Variants in ASCC3 observed in about 807,000 individuals in gnomAD.
ASCC3 encodes the protein ASC-1 complex subunit P200.
Under a neutral mutation model 256.3 loss-of-function variants are expected in ASCC3, and 158 were observed. The observed-to-expected ratio is 0.62, with a 90% CI of 0.54 to 0.70. The LOEUF (loss-of-function observed/expected upper bound fraction) is 0.70. ASCC3 is among the 30% of genes least tolerant of loss of function. The pLI, the probability that ASCC3 is intolerant of heterozygous loss-of-function variation, is 0.00. For missense variants in ASCC3, 2,259 were observed against 2,626.0 expected, an observed-to-expected ratio of 0.86 and a Z score of 3.05; for synonymous variants, 948 against 883.4, an observed-to-expected ratio of 1.07 and a Z score of -1.30.
At chr6:100,645,428 C>T (rs1372483357) in intron 22 of ASCC3, among the ~76,000 whole-genome samples, 1 of 151,780 alleles carries the variant, frequency 6.6e-6, no homozygotes, top group Non-Finnish European at 1.5e-5. Flanking sequence ...TTAAGACCAA[C>T]GTAGAATTGG....
At chr6:100,795,489 T>C (rs1769566944) in intron 8 of ASCC3, among the ~76,000 whole-genome samples, 1 of 152,120 alleles carries the variant, frequency 6.6e-6, no homozygotes, top group Non-Finnish European at 1.5e-5. Flanking sequence ...GCTTTACTTC[T>C]GGACAATCCA....
At chr6:100,578,601 T>C (rs911068642) in intron 36 of ASCC3, among the ~76,000 whole-genome samples, 1 of 151,904 alleles carries the variant, frequency 6.6e-6, no homozygotes, top group Non-Finnish European at 1.5e-5. Context: ...GATTTCATTC[T>C]TTTTTTTATG....
intron 36 of ASCC3, among the ~76,000 whole-genome samples, chr6:100,541,879 A>G (rs1775481241): frequency 6.6e-6 from 1 of 152,220 alleles, no homozygotes; most frequent in Non-Finnish European, 1.5e-5. Context: ...ACTCAATTCA[A>G]ATTTCTAGAG....
Position 100,666,299 on chromosome 6 carries a change from T to C in ASCC3, c.2287-3763A>G, listed in dbSNP as rs550573770. ...TTTATAAACATTCATGTACACTTTT[T>C]TGTATATATTAATATGATTTCATTC... On this transcript the variant is annotated intron_variant, in intron 14 of 41. Transcript: ENST00000369162. Among the ~76,000 whole-genome samples the C allele has an allele frequency of 1.6e-3, 243 of 152,248 alleles. 1 individual carries two copies. The highest frequency in any genetic ancestry group is 4.6e-3 in the Admixed American group (70 of 15,276).
chr6:100,721,152 G>T (rs560862087), intron 11 of ASCC3, among the ~76,000 whole-genome samples: 2 of 151,426 alleles, frequency 1.3e-5, no homozygotes, highest in Non-Finnish European at 1.5e-5. Flanking sequence ...TTCTACTGGG[G>T]ATGCTCAGGA....
intron 1 of ASCC3, among the ~76,000 whole-genome samples, chr6:100,879,551 C>G (rs1769177195): frequency 6.6e-6 from 1 of 152,122 alleles, no homozygotes; most frequent in East Asian, 1.9e-4. Flanking sequence ...CTTTGGGAGG[C>G]CGATGCAGGA....
Position 100,864,064 on chromosome 6 carries a change from C to CT in ASCC3, c.240dup (p.Val81SerfsTer4). ...AAAAAAGAAAAAAAGAAAACTATAC[C>CT]TATCTGCTTTGCAGCATGTAATATA... On this transcript the variant is annotated frameshift_variant and splice_region_variant, in exon 3 of 42. Coordinates refer to ENST00000369162, the MANE Select transcript of ASCC3 (RefSeq NM_006828.4). LOFTEE classifies it high-confidence loss of function. The CT allele has an allele frequency of 6.4e-7, 1 of 1,552,404 alleles. No individual in the cohort carries two copies. The highest frequency in any genetic ancestry group is 8.7e-7 in the Non-Finnish European group (1 of 1,144,080).
At position 100,740,678 on chromosome 6, in the gene ASCC3, C is replaced by T. The variant is rs77519536; in HGVS notation, c.1738-14975G>A. Among the ~76,000 whole-genome samples, 220 of 152,102 alleles carry T rather than the reference C, an allele frequency of 1.4e-3. 1 individual carries two copies. The highest frequency in any genetic ancestry group is 5.2e-3 in the African/African-American group (214 of 41,534). On this transcript the variant is annotated intron_variant, in intron 10 of 41. Transcript: ENST00000369162. ...CTTGTTGAATTGCACCCTTCCTTGT[C>T]TTTTTTTATCTTTGTTGGTTTAAAA...
At chr6:100,613,179 CT>C (rs1003337918) in intron 30 of ASCC3, among the ~76,000 whole-genome samples, 17 of 151,298 alleles carry the variant, frequency 1.1e-4, no homozygotes, top group African/African-American at 4.1e-4. Context: ...CAAGTCAGGG[CT>C]TTTAGGGTAC....
intron 10 of ASCC3, among the ~76,000 whole-genome samples, chr6:100,750,024 A>G (rs76899231): frequency 0.014 from 2,080 of 152,080 alleles, 21 homozygotes; most frequent in East Asian, 0.045. Context: ...GGTTTACAGC[A>G]AATTTGCGGT....
chr6:100,638,489 T>A lies in ASCC3; in HGVS notation c.4122+112A>T, dbSNP rs370606027. The A allele has an allele frequency of 2.5e-4, 224 of 900,640 alleles. No individual in the cohort carries two copies. In the African/African-American group the frequency reaches 3.2e-3, roughly 13 times the overall value. The allele number at this position is 900,640 out of a possible 1,614,324, so 55.8% of individuals were successfully genotyped here. A position where few individuals can be genotyped will look rare whatever the true frequency, so the allele number is the denominator to read the frequency against. On this transcript the variant is annotated intron_variant, in intron 25 of 41. Transcript: ENST00000369162. ...TGATCTGGTCCCCTGGGAAATTCAC[T>A]GAGAGTGACAAATCTATTCATTAGA...
intron 14 of ASCC3, among the ~76,000 whole-genome samples, chr6:100,673,741 C>T (rs969200647): frequency 3.3e-5 from 5 of 152,150 alleles, no homozygotes; most frequent in Admixed American, 1.3e-4. Flanking sequence ...ATTTTGGTCA[C>T]ACAACTTGAC....
intron 4 of ASCC3, among the ~76,000 whole-genome samples, chr6:100,826,214 C>G (rs920822755): frequency 6.6e-6 from 1 of 152,014 alleles, no homozygotes; most frequent in Non-Finnish European, 1.5e-5. Context: ...TCACCGCAAC[C>G]TCTGCCTCCC....
At chr6:100,609,278 A>C (rs553043125) in intron 30 of ASCC3, among the ~76,000 whole-genome samples, 1 of 143,810 alleles carries the variant, frequency 7.0e-6, no homozygotes. Flanking sequence ...TTTGTATAGA[A>C]ACTATGGTAG....
intron 8 of ASCC3, among the ~76,000 whole-genome samples, chr6:100,786,332 TC>T (rs1769081823): frequency 1.3e-5 from 2 of 152,188 alleles, no homozygotes; most frequent in South Asian, 4.1e-4. Context: ...AATAATGTCT[TC>T]CAAAAATTCC....
At chr6:100,701,220 A>C (rs1465874189) in intron 13 of ASCC3, among the ~76,000 whole-genome samples, 1 of 152,224 alleles carries the variant, frequency 6.6e-6, no homozygotes, top group Non-Finnish European at 1.5e-5. Flanking sequence ...ATTTAAAACA[A>C]ATTATATAAA....
rs1776586523 is a variant in ASCC3, at chr6:100,668,383, G to A, written c.2287-5847C>T. ...TTCACTTAAACTGTTTGGAATGGAT[G>A]ATTTTCTAGGAAAATATTGTTACTA... On this transcript the variant is annotated intron_variant, in intron 14 of 41. Coordinates refer to ENST00000369162, the MANE Select transcript of ASCC3 (RefSeq NM_006828.4). Among the ~76,000 whole-genome samples the A allele has an allele frequency of 2.0e-5, 3 of 151,922 alleles. No individual in the cohort carries two copies. The South Asian group carries it at 6.2e-4, about 32-fold the overall frequency.
At chr6:100,554,297 G>A (rs548120920) in intron 36 of ASCC3, among the ~76,000 whole-genome samples, 3 of 152,198 alleles carry the variant, frequency 2.0e-5, no homozygotes, top group Admixed American at 6.5e-5. Flanking sequence ...AACTATTAGT[G>A]TCTGCTTTAC....
chr6:100,698,188 G>A (rs755873188), intron 13 of ASCC3, among the ~76,000 whole-genome samples: 1 of 152,000 alleles, frequency 6.6e-6, no homozygotes, highest in Non-Finnish European at 1.5e-5. Flanking sequence ...TTATATCTTT[G>A]CATCCATTCA....
Sources: gnomAD v4.1 joint callset for allele counts (sites outside exome capture counted in the v4.1 genomes callset) on GRCh38, gnomAD v4.1.1 for gene constraint, MANE v1.5 for transcripts, NCBI Gene and HGNC (gene_info 2026-07-23, HGNC 2026-07-21) for gene names.